MDGA1: variants seen among roughly 807,000 people sequenced by gnomAD.
The protein encoded by MDGA1 is MAM domain-containing glycosylphosphatidylinositol anchor protein 1.
MDGA1 carries 54 observed loss-of-function variants against 101.5 expected under a neutral mutation model. The ratio of observed to expected loss-of-function variants is 0.53; its 90% CI spans 0.43 to 0.67. MDGA1 has a LOEUF of 0.67. MDGA1 is among the 30% of genes least tolerant of loss of function. The probability of loss-of-function intolerance (pLI) is 0.00; values close to 1 mark genes in which losing one functional copy is unlikely to be tolerated. For synonymous variants in MDGA1, 533 were observed against 558.3 expected (o/e 0.95, Z 0.64); for missense variants, 1,083 against 1,323.8 (o/e 0.82, Z 2.82).
At chr6:37,677,823 C>A (rs1489898752) in intron 1 of MDGA1, among the ~76,000 whole-genome samples, 1 of 152,168 alleles carries the variant, frequency 6.6e-6, no homozygotes, top group Admixed American at 6.5e-5. Flanking sequence ...CTGGGGGTCT[C>A]CCACAGCCTG....
In MDGA1 at chr6:37,676,231, C is replaced by CTT. The variant is rs552593077; in HGVS notation, c.68-12126_68-12125insAA. Among the ~76,000 whole-genome samples, 27 of 152,342 alleles carry CTT rather than the reference C, an allele frequency of 1.8e-4. No homozygotes were observed. The South Asian group carries it at 5.2e-3, about 29-fold the overall frequency. On this transcript the variant is annotated intron_variant, in intron 1 of 16. Coordinates refer to ENST00000434837, the MANE Select transcript of MDGA1 (RefSeq NM_153487.4). Reference sequence around the variant, plus strand: ...TGGCACAGTCGCTAGGGATAGGGCACCACCAGGGTAGGACCGGAGACACAC... The same window carrying CTT: ...TGGCACAGTCGCTAGGGATAGGGCACTTCACCAGGGTAGGACCGGAGACACAC...
chr6:37,681,040 G>A (rs1347947279), intron 1 of MDGA1, among the ~76,000 whole-genome samples: 6 of 151,216 alleles, frequency 4.0e-5, no homozygotes, highest in East Asian at 2.0e-4. Context: ...CTGCCAACCC[G>A]GCTGGCATGG....
intron 12 of MDGA1, among the ~76,000 whole-genome samples, chr6:37,645,209 G>A (rs115742576): frequency 6.6e-6 from 1 of 152,188 alleles, no homozygotes; most frequent in Non-Finnish European, 1.5e-5. Context: ...TGAAGGGGAT[G>A]TTAAATTTCT....
At chr6:37,646,693 A>G (rs1397845707) in intron 10 of MDGA1, among the ~76,000 whole-genome samples, 1 of 152,168 alleles carries the variant, frequency 6.6e-6, no homozygotes, top group Admixed American at 6.5e-5. Context: ...TGGTCTAGGC[A>G]GTCTGCCCCT....
chr6:37,655,057 C>T lies in MDGA1; in HGVS notation c.580-125G>A, dbSNP rs1423071374. The stretch of plus-strand genomic sequence containing the variant: ...CTAATTCCTCTCTTTCCATCCCCAA[C>T]CCCACCCTCACCATTTAGCCCCAGG... On this transcript the variant is annotated intron_variant, in intron 4 of 16. Transcript: ENST00000434837. The surrounding 1 kb of genome is among the most constrained non-coding windows in gnomAD (Gnocchi z 5.1). 1.6e-6 allele frequency: 2 copies of T among 1,212,890 alleles called. No individual in the cohort carries two copies. Among genetic ancestry groups the T allele is most frequent in the Admixed American group, 2.3e-5 (1 of 42,836 alleles). 75.1% of individuals were successfully genotyped at this position (1,212,890 alleles called of 1,614,324 possible). A position where few individuals can be genotyped will look rare whatever the true frequency, so the allele number is the denominator to read the frequency against.
At chr6:37,694,219 C>T (rs1158371869) in intron 1 of MDGA1, among the ~76,000 whole-genome samples, 1 of 152,188 alleles carries the variant, frequency 6.6e-6, no homozygotes, top group Non-Finnish European at 1.5e-5. Flanking sequence ...GGCTTCCAGC[C>T]TCTTCTCTCT....
In MDGA1 at chr6:37,635,233, G is replaced by A. The variant is rs191106117; in HGVS notation, c.*2135C>T. ...GGTTCTATTCTGCAGGCAAGGCCAG[G>A]AACCACTGATTACAGAATCCATTCC... On this transcript the variant is annotated 3_prime_UTR_variant, in exon 17 of 17. Coordinates refer to ENST00000434837, the MANE Select transcript of MDGA1 (RefSeq NM_153487.4). The A allele has an allele frequency of 5.2e-5, 20 of 386,860 alleles. No homozygotes were observed. Among genetic ancestry groups the A allele is most frequent in the Admixed American group, 4.5e-4 (10 of 22,318 alleles). The allele number at this position is 386,860 out of a possible 1,614,324, so 24.0% of individuals were successfully genotyped here. A position where few individuals can be genotyped will look rare whatever the true frequency, so the allele number is the denominator to read the frequency against.
chr6:37,652,285 G>T lies in MDGA1; in HGVS notation c.1038C>A (p.Asn346Lys). 6.2e-7 allele frequency: 1 copy of T among 1,613,958 alleles called. No individual in the cohort carries two copies. The highest frequency in any genetic ancestry group is 8.5e-7 in the Non-Finnish European group (1 of 1,179,872). ...GCTTCAGGTCCTGGCCCAGCTGGAT[G>T]TTCTCACTCTCTTTGATCACGTCAG... The part of the protein sequence containing the change: ...ITPDVIKESE[N>K]IQLGQDLKLS... The change falls in exon 7 of 17, where the codon AAC (asparagine) becomes AAA (lysine). Residue 346 changes from asparagine to lysine, a missense_variant. Physicochemically the swap from Asn to Lys is moderately conservative, Grantham distance 94 (BLOSUM62 0). This residue lies in a region of MDGA1 where 116 missense variants were observed against 196.6 expected (regional missense o/e 0.59). Transcript: ENST00000434837. The surrounding 1 kb of genome is among the most constrained non-coding windows in gnomAD (Gnocchi z 4.3).
chr6:37,652,357 A>T lies in MDGA1; in HGVS notation c.983-17T>A. 6.3e-7 allele frequency: 1 copy of T among 1,576,210 alleles called. No individual in the cohort carries two copies. The highest frequency in any genetic ancestry group is 1.8e-5 in the Admixed American group (1 of 55,664). On this transcript the variant is annotated splice_polypyrimidine_tract_variant and intron_variant, in intron 6 of 16. Transcript: ENST00000434837. The surrounding 1 kb of genome is among the most constrained non-coding windows in gnomAD (Gnocchi z 4.3). Reference sequence around the variant, plus strand: ...TCTTCATGGCTGTGAGTGGATGGGGAGGGAAGGGTAGTTGGGGTTGGCCTG... The same window carrying T: ...TCTTCATGGCTGTGAGTGGATGGGGTGGGAAGGGTAGTTGGGGTTGGCCTG...
intron 1 of MDGA1, among the ~76,000 whole-genome samples, chr6:37,675,814 T>C (rs1761966909): frequency 6.6e-6 from 1 of 152,174 alleles, no homozygotes; most frequent in Non-Finnish European, 1.5e-5. Flanking sequence ...GCTCTGCTGG[T>C]CTTGGAGACC....
At position 37,655,132 on chromosome 6, in the gene MDGA1, C is replaced by A. The variant is rs2114030690; in HGVS notation, c.580-200G>T. ...ACACTCTCCATAGCCTTGGCAGTGC[C>A]TCATCATGGGATTCTCTGGGTCTGA... On this transcript the variant is annotated intron_variant, in intron 4 of 16. Transcript: ENST00000434837. This position sits in a 1 kb window ranked among gnomAD's most constrained non-coding sequence, Gnocchi z 5.1. The A allele has an allele frequency of 3.2e-6, 2 of 632,284 alleles. No individual in the cohort carries two copies. The highest frequency in any genetic ancestry group is 5.4e-6 in the Non-Finnish European group (2 of 370,266). The allele number at this position is 632,284 out of a possible 1,614,324, so 39.2% of individuals were successfully genotyped here.
rs1000683922 is a variant in MDGA1 at position 37,655,939 on chromosome 6, C to T, written c.383-43G>A. On this transcript the variant is annotated intron_variant, in intron 3 of 16. Coordinates refer to ENST00000434837, the MANE Select transcript of MDGA1 (RefSeq NM_153487.4). The surrounding 1 kb of genome is among the most constrained non-coding windows in gnomAD (Gnocchi z 5.1). ...CCATGGAGTCAGGACTGGGTGACCCCAAGGTTGGGGGGCTCAGGCTCCTGG... is the reference window on the plus strand; with the variant it reads ...CCATGGAGTCAGGACTGGGTGACCCTAAGGTTGGGGGGCTCAGGCTCCTGG... 6.5e-6 allele frequency: 10 copies of T among 1,545,560 alleles called. No homozygotes were observed. Among genetic ancestry groups the T allele is most frequent in the Non-Finnish European group, 8.8e-6 (10 of 1,142,210 alleles).
chr6:37,695,023 G>C (rs1762388475), intron 1 of MDGA1, among the ~76,000 whole-genome samples: 1 of 152,070 alleles, frequency 6.6e-6, no homozygotes, highest in African/African-American at 2.4e-5. Context: ...ACTAGGAACA[G>C]AGGAACCTCC....
chr6:37,674,643 A>G (rs1434855077), intron 1 of MDGA1, among the ~76,000 whole-genome samples: 1 of 152,240 alleles, frequency 6.6e-6, no homozygotes, highest in Non-Finnish European at 1.5e-5. Flanking sequence ...ACCCACTTAT[A>G]GAACTAGAGG....
intron 1 of MDGA1, among the ~76,000 whole-genome samples, chr6:37,677,943 C>T (rs1561859700): frequency 6.6e-6 from 1 of 152,212 alleles, no homozygotes; most frequent in Non-Finnish European, 1.5e-5. Context: ...TGCTGCACCC[C>T]AACTTCTAGC....
rs1458087306 is a variant in MDGA1 at position 37,637,468 on chromosome 6, G to A, written c.2777-9C>T. ...GCCCGGCATCACCACCACTGCAACA[G>A]GGGAGAAAGAGGAGACAGGCCAGGG... On this transcript the variant is annotated splice_polypyrimidine_tract_variant and intron_variant, in intron 16 of 16. Coordinates refer to ENST00000434837, the MANE Select transcript of MDGA1 (RefSeq NM_153487.4). 2.5e-6 allele frequency: 4 copies of A among 1,611,226 alleles called. No homozygotes were observed. The African/African-American group carries it at 5.3e-5, about 22-fold the overall frequency.
At chr6:37,688,404 C>CG (rs1285622077) in intron 1 of MDGA1, among the ~76,000 whole-genome samples, 1 of 152,170 alleles carries the variant, frequency 6.6e-6, no homozygotes, top group Admixed American at 6.5e-5. Flanking sequence ...TAATGTATCT[C>CG]GGCTGAGTTT....
chr6:37,676,333 A>G (rs1761977591), intron 1 of MDGA1, among the ~76,000 whole-genome samples: 2 of 152,240 alleles, frequency 1.3e-5, no homozygotes, highest in Admixed American at 1.3e-4. Context: ...TGCTAAAGCA[A>G]GGAGCCCCCA....
chr6:37,664,767 A>G (rs1761706590), intron 1 of MDGA1, among the ~76,000 whole-genome samples: 1 of 149,650 alleles, frequency 6.7e-6, no homozygotes, highest in Non-Finnish European at 1.5e-5. Flanking sequence ...GCATTTTCCC[A>G]GCAAATCACT....
Sources: gnomAD v4.1 joint callset for allele counts (sites outside exome capture counted in the v4.1 genomes callset) on GRCh38, gnomAD v4.1.1 for gene constraint, gnomAD v4.1.1 regional missense constraint, Gnocchi (gnomAD v3.1) non-coding constraint, MANE v1.5 for transcripts, NCBI Gene and HGNC (gene_info 2026-07-23, HGNC 2026-07-21) for gene names.